Variants in IMMP1L observed in about 807,000 individuals in gnomAD.
The protein encoded by IMMP1L is mitochondrial inner membrane protease subunit 1.
A neutral mutation model predicts 21.8 loss-of-function variants in IMMP1L; 24 were observed. The ratio of observed to expected loss-of-function variants is 1.10; its 90% confidence interval spans 0.80 to 1.55. The LOEUF (loss-of-function observed/expected upper bound fraction) is 1.55. Ranked by LOEUF, IMMP1L falls within the 40% of genes most tolerant of loss-of-function variation. The probability of loss-of-function intolerance (pLI) is 0.00; values close to 1 mark genes in which losing one functional copy is unlikely to be tolerated. For synonymous variants in IMMP1L, 46 were observed against 62.8 expected, an observed-to-expected ratio of 0.73 and a Z score of 1.26; for missense variants, 195 against 200.7, an observed-to-expected ratio of 0.97 and a Z score of 0.17.
chr11:31,500,373 A>T (rs529543508), intron 1 of IMMP1L, among the ~76,000 whole-genome samples: 1 of 152,234 alleles, frequency 6.6e-6, no homozygotes, highest in Non-Finnish European at 1.5e-5. Context: ...TAATTCAGGG[A>T]GGAAAAAAAA....
intron 4 of IMMP1L, among the ~76,000 whole-genome samples, chr11:31,438,928 CATCCTCATCAGTGAATACAGA>C (rs902721083): frequency 6.6e-6 from 1 of 152,168 alleles, no homozygotes; most frequent in Non-Finnish European, 1.5e-5. Context: ...AGTATATTTT[CATCCTCATCAGTGAATACAGA>C]ATTCTGGATT....
intron 1 of IMMP1L, among the ~76,000 whole-genome samples, chr11:31,496,414 G>A (rs942978010): frequency 3.3e-5 from 5 of 152,132 alleles, no homozygotes; most frequent in Non-Finnish European, 5.9e-5. Flanking sequence ...AAACAGTTTG[G>A]TGATACCTTA....
intron 1 of IMMP1L, among the ~76,000 whole-genome samples, chr11:31,470,321 G>A (rs547860681): frequency 1.3e-5 from 2 of 152,038 alleles, no homozygotes; most frequent in Non-Finnish European, 2.9e-5. Context: ...GCTGAGGCAG[G>A]AGAATCGCTT....
intron 1 of IMMP1L, chr11:31,469,892 C>T (rs780056727): frequency 3.9e-5 from 6 of 151,982 alleles, no homozygotes; most frequent in Non-Finnish European, 8.8e-5. Context: ...GGAATGGCTA[C>T]CTTTACATAA....
chr11:31,508,517 GCAAA>G (rs1272827558), intron 1 of IMMP1L, among the ~76,000 whole-genome samples: 4 of 152,120 alleles, frequency 2.6e-5, no homozygotes, highest in South Asian at 2.1e-4. Context: ...TAAAAAACAA[GCAAA>G]CAAACAAAAA....
chr11:31,449,150 C>T (rs1446953332), intron 4 of IMMP1L: 1 of 849,076 alleles, frequency 1.2e-6, no homozygotes, highest in African/African-American at 1.8e-5. Flanking sequence ...CATTATTAGG[C>T]AGTTCTTCTA....
At chr11:31,466,837 C>T (rs988565298) in intron 1 of IMMP1L, among the ~76,000 whole-genome samples, 1 of 152,014 alleles carries the variant, frequency 6.6e-6, no homozygotes, top group Admixed American at 6.6e-5. Context: ...AAGTTACTGC[C>T]TTCTGCAGCA....
intron 1 of IMMP1L, 71 bp from the exon 2 acceptor site, chr11:31,463,376 A>G: frequency 7.5e-7 from 1 of 1,334,024 alleles, no homozygotes; most frequent in Admixed American, 3.3e-5. Context: ...CTATTGTAAA[A>G]TATTTTACAA....
intron 4 of IMMP1L, among the ~76,000 whole-genome samples, chr11:31,448,621 G>T (rs1348756321): frequency 6.6e-6 from 1 of 152,088 alleles, no homozygotes; most frequent in Non-Finnish European, 1.5e-5. Flanking sequence ...ATATTTCCAG[G>T]TGAGCAACAC....
intron 1 of IMMP1L, among the ~76,000 whole-genome samples, chr11:31,474,904 T>C (rs1954677614): frequency 6.6e-6 from 1 of 152,152 alleles, no homozygotes; most frequent in Admixed American, 6.5e-5. Context: ...ATCACAGAGC[T>C]AATGAAAGAG....
chr11:31,486,866 G>T (rs937874747), intron 1 of IMMP1L, among the ~76,000 whole-genome samples: 5 of 151,842 alleles, frequency 3.3e-5, no homozygotes, highest in African/African-American at 4.8e-5. Flanking sequence ...TAAACATACT[G>T]CTTAGGAATA....
At chr11:31,482,669 T>A (rs969983559) in intron 1 of IMMP1L, among the ~76,000 whole-genome samples, 1 of 151,776 alleles carries the variant, frequency 6.6e-6, no homozygotes, top group African/African-American at 2.4e-5. Flanking sequence ...CCCACCAGAA[T>A]TGGAAAAATG....
rs922851914 is a variant in IMMP1L at position 31,442,990 on chromosome 11, T to C, written c.322-9420A>G. 4.6e-5 allele frequency among the ~76,000 whole-genome samples: 7 copies of C among 152,114 alleles called. No individual in the cohort carries two copies. The East Asian group carries it at 1.3e-3, about 29-fold the overall frequency. ...ATAATACCCTTGCCTATGAAAAAAG[T>C]CTATATGATGAATGTATATTAAAAA... On this transcript the variant is annotated intron_variant, in intron 4 of 5. Transcript: ENST00000532287.
intron 1 of IMMP1L, among the ~76,000 whole-genome samples, chr11:31,475,820 G>C (rs1003794216): frequency 6.6e-6 from 1 of 152,076 alleles, no homozygotes; most frequent in East Asian, 1.9e-4. Context: ...GAGTTTATTT[G>C]AGACGTTCTA....
chr11:31,464,617 G>A (rs191401718), intron 1 of IMMP1L, among the ~76,000 whole-genome samples: 7 of 152,290 alleles, frequency 4.6e-5, no homozygotes, highest in Non-Finnish European at 7.4e-5. Context: ...TCCCAGGGAT[G>A]CAAGGATGGT....
At chr11:31,494,615 A>T (rs1446065735) in intron 1 of IMMP1L, among the ~76,000 whole-genome samples, 1 of 151,446 alleles carries the variant, frequency 6.6e-6, no homozygotes, top group East Asian at 1.9e-4. Flanking sequence ...TTTTTCTTTT[A>T]TATCACATAG....
chr11:31,439,018 A>G (rs1350797317), intron 4 of IMMP1L, among the ~76,000 whole-genome samples: 1 of 149,288 alleles, frequency 6.7e-6, no homozygotes, highest in African/African-American at 2.6e-5. Flanking sequence ...GCTGTTTTTT[A>G]TAATAGATCA....
At chr11:31,494,413 G>C (rs187825726) in intron 1 of IMMP1L, among the ~76,000 whole-genome samples, 1 of 152,332 alleles carries the variant, frequency 6.6e-6, no homozygotes, top group Admixed American at 6.5e-5. Flanking sequence ...CCATGCCCCA[G>C]GACTGCACAG....
intron 4 of IMMP1L, among the ~76,000 whole-genome samples, chr11:31,455,937 C>G (rs1953922984): frequency 6.6e-6 from 1 of 151,966 alleles, no homozygotes. Flanking sequence ...GGTTTTTTCC[C>G]TTTGTAATAA....
Sources: allele counts gnomAD v4.1 joint callset (sites outside exome capture counted in the v4.1 genomes callset), GRCh38; gene constraint gnomAD v4.1.1; transcripts MANE v1.5; gene names NCBI Gene and HGNC (gene_info 2026-07-23, HGNC 2026-07-21).